CHCHD3: variants seen among roughly 807,000 people sequenced by gnomAD.
CHCHD3 encodes the protein coiled-coil-helix-coiled-coil-helix domain containing 3.
In CHCHD3, 20 loss-of-function variants were observed where a neutral mutation model predicts 38.2. The ratio of observed to expected loss-of-function variants is 0.52; its 90% CI spans 0.37 to 0.76. The LOEUF is 0.76. Among genes scored for constraint, CHCHD3 ranks in the 30% least tolerant of loss-of-function variants. The probability of loss-of-function intolerance (pLI) is 0.00; values close to 1 mark genes in which losing one functional copy is unlikely to be tolerated. For missense variants in CHCHD3, 245 were observed against 279.2 expected, an observed-to-expected ratio of 0.88 and a Z score of 0.87; for synonymous variants, 82 against 100.0, an observed-to-expected ratio of 0.82 and a Z score of 1.07.
intron 4 of CHCHD3, among the ~76,000 whole-genome samples, chr7:132,914,168 T>TGTGTGTG (rs1810042748): frequency 9.1e-6 from 1 of 109,970 alleles, no homozygotes; most frequent in African/African-American, 4.0e-5. Flanking sequence ...GTGTGTGTGT[T>TGTGTGTG]TAGTAGAGAT....
At chr7:132,975,965 A>C (rs888420193) in intron 3 of CHCHD3, among the ~76,000 whole-genome samples, 1 of 151,042 alleles carries the variant, frequency 6.6e-6, no homozygotes, top group African/African-American at 2.4e-5. Flanking sequence ...CAAATATTTG[A>C]AGGTAACCAT....
intron 3 of CHCHD3, among the ~76,000 whole-genome samples, chr7:133,013,794 G>C (rs1812949761): frequency 6.6e-6 from 1 of 152,014 alleles, no homozygotes; most frequent in Non-Finnish European, 1.5e-5. Flanking sequence ...TAAGAATAAG[G>C]GAAAGGAGGG....
chr7:132,964,737 T>C (rs1562923410), intron 4 of CHCHD3, among the ~76,000 whole-genome samples: 1 of 152,136 alleles, frequency 6.6e-6, no homozygotes, highest in African/African-American at 2.4e-5. Flanking sequence ...ATAAGAAAAT[T>C]CAAAAATGAC....
chr7:132,808,544 A>C (rs1406769473), intron 6 of CHCHD3, among the ~76,000 whole-genome samples: 1 of 152,206 alleles, frequency 6.6e-6, no homozygotes, highest in African/African-American at 2.4e-5. Flanking sequence ...AATCTTAGCC[A>C]TCTGAAGCCA....
chr7:133,049,219 G>A (rs10277150), intron 2 of CHCHD3, among the ~76,000 whole-genome samples: 1,567 of 152,146 alleles, frequency 0.01, 31 homozygotes, highest in African/African-American at 0.036. Flanking sequence ...ATATTCCAAC[G>A]TAATTTCCAA....
chr7:132,911,682 C>T (rs1470216070), intron 4 of CHCHD3, among the ~76,000 whole-genome samples: 1 of 152,216 alleles, frequency 6.6e-6, no homozygotes. Context: ...CTTTGCTCTG[C>T]TCCCCATCGG....
chr7:133,027,634 C>T (rs1165906140), intron 2 of CHCHD3, among the ~76,000 whole-genome samples: 1 of 152,028 alleles, frequency 6.6e-6, no homozygotes, highest in Non-Finnish European at 1.5e-5. Context: ...GTTTAGGGAC[C>T]CTTCCAACTG....
intron 4 of CHCHD3, chr7:132,972,618 T>G (rs914921040): frequency 1.0e-6 from 1 of 985,406 alleles, no homozygotes; most frequent in Non-Finnish European, 1.2e-6. Flanking sequence ...TAACTAAATG[T>G]CACTGGCAGC....
chr7:132,955,518 T>C (rs1485816496), intron 4 of CHCHD3, among the ~76,000 whole-genome samples: 1 of 151,630 alleles, frequency 6.6e-6, no homozygotes, highest in East Asian at 1.9e-4. Flanking sequence ...GGGTTTTTTG[T>C]TTGTTTGTTT....
rs964191345 is a variant in CHCHD3 at position 132,982,106 on chromosome 7, AT to A, written c.252-6821del. On this transcript the variant is annotated intron_variant, in intron 3 of 7. Transcript: ENST00000262570. Reference sequence around the variant, plus strand: ...CTAAGCTGGGTAATTCAATGAAGTAATTATTAGACTATTAAAAATAAGGACA... The same window carrying A: ...CTAAGCTGGGTAATTCAATGAAGTAATATTAGACTATTAAAAATAAGGACA... 3.5e-4 allele frequency among the ~76,000 whole-genome samples: 54 copies of A among 152,334 alleles called. 1 individual carries two copies. Among genetic ancestry groups the A allele is most frequent in the African/African-American group, 1.3e-3 (54 of 41,582 alleles).
At chr7:132,894,012 A>C (rs1425678127) in intron 4 of CHCHD3, among the ~76,000 whole-genome samples, 1 of 152,198 alleles carries the variant, frequency 6.6e-6, no homozygotes, top group Non-Finnish European at 1.5e-5. Flanking sequence ...AAAATGAATG[A>C]TTTTTGAAAT....
intron 4 of CHCHD3, among the ~76,000 whole-genome samples, chr7:132,932,635 C>G (rs1444056574): frequency 6.6e-6 from 1 of 152,190 alleles, no homozygotes; most frequent in Non-Finnish European, 1.5e-5. Flanking sequence ...CAAAGGCAGA[C>G]CACTGATAGA....
At chr7:132,885,631 T>C (rs752605987) in intron 5 of CHCHD3, 31 bp downstream of exon 5, 2 of 1,461,686 alleles carry the variant, frequency 1.4e-6, no homozygotes, top group Admixed American at 3.8e-5. Context: ...GCAGATGTGG[T>C]AATAGAATCA....
At chr7:132,847,042 GC>G in intron 5 of CHCHD3, among the ~76,000 whole-genome samples, 1 of 152,218 alleles carries the variant, frequency 6.6e-6, no homozygotes, top group South Asian at 2.1e-4. Context: ...AAATAACTAG[GC>G]CCCCTCTTCT....
chr7:132,960,242 CA>C (rs574950512), intron 4 of CHCHD3, among the ~76,000 whole-genome samples: 98 of 141,328 alleles, frequency 6.9e-4, no homozygotes, highest in African/African-American at 8.1e-4. Context: ...CTAAGGCTCA[CA>C]AAAAAAAAAA....
intron 4 of CHCHD3, among the ~76,000 whole-genome samples, chr7:132,896,043 C>T (rs1255794503): frequency 6.6e-6 from 1 of 152,146 alleles, no homozygotes; most frequent in Non-Finnish European, 1.5e-5. Flanking sequence ...AATGTCTGTA[C>T]ATATTGTAGA....
chr7:132,959,315 C>A (rs1811254445), intron 4 of CHCHD3, among the ~76,000 whole-genome samples: 1 of 152,222 alleles, frequency 6.6e-6, no homozygotes, highest in Non-Finnish European at 1.5e-5. Context: ...ACTGTAAGAG[C>A]ATACCCTTAA....
chr7:132,948,542 A>C (rs144907163), intron 4 of CHCHD3, among the ~76,000 whole-genome samples: 1,598 of 152,210 alleles, frequency 0.01, 12 homozygotes, highest in South Asian at 0.066. Flanking sequence ...ATTCATGTGA[A>C]ATCGCAGTCA....
intron 4 of CHCHD3, among the ~76,000 whole-genome samples, chr7:132,921,789 A>G (rs1810269512): frequency 6.6e-6 from 1 of 152,222 alleles, no homozygotes; most frequent in Admixed American, 6.5e-5. Flanking sequence ...ACTTCTTATC[A>G]CCACGTCTCA....
Sources: gnomAD v4.1 joint callset for allele counts (sites outside exome capture counted in the v4.1 genomes callset) on GRCh38, gnomAD v4.1.1 for gene constraint, MANE v1.5 for transcripts, NCBI Gene and HGNC (gene_info 2026-07-23, HGNC 2026-07-21) for gene names.